SP4: variants seen among roughly 807,000 people sequenced by gnomAD.
The protein encoded by SP4 is transcription factor Sp4.
A neutral mutation model predicts 72.8 loss-of-function variants in SP4; 19 were observed. The ratio of observed to expected loss-of-function variants is 0.26; its 90% CI spans 0.18 to 0.38. The LOEUF (loss-of-function observed/expected upper bound fraction) is 0.38, where lower values mean the gene tolerates loss of function less well. Among genes scored for constraint, SP4 ranks in the 10% least tolerant of loss-of-function variants. The pLI, the probability that SP4 is intolerant of heterozygous loss-of-function variation, is 1.00. For synonymous variants in SP4, 395 were observed against 333.1 expected, an observed-to-expected ratio of 1.19 and a Z score of -2.02; for missense variants, 1,008 against 926.3, an observed-to-expected ratio of 1.09 and a Z score of -1.14.
chr7:21,474,769 A>G (rs1422582135), intron 3 of SP4, among the ~76,000 whole-genome samples: 3 of 152,152 alleles, frequency 2.0e-5, no homozygotes, highest in Admixed American at 1.3e-4. Context: ...TACAACTCTC[A>G]CTTCACTTGC....
chr7:21,429,497 C>T lies in SP4; in HGVS notation c.332C>T (p.Ala111Val). 1 of 1,614,182 alleles carries T rather than the reference C, an allele frequency of 6.2e-7. No homozygotes were observed. The highest frequency in any genetic ancestry group is 8.5e-7 in the Non-Finnish European group (1 of 1,180,000). Residue 111 changes from alanine (A) to valine (V), a missense_variant, in exon 3 of 6, where the codon GCT (alanine) becomes GTT (valine). Physicochemically the swap from Ala to Val is moderately conservative, Grantham distance 64. This residue lies in a region of SP4 where 893 missense variants were observed against 743.3 expected (regional missense o/e 1.20). Coordinates refer to ENST00000222584, the MANE Select transcript of SP4 (RefSeq NM_003112.5). ...AWQLVASTPP[A>V]SKENNVSQPA... ...CAACTTGTTGCCTCCACTCCTCCTG[C>T]TTCAAAAGAGAATAACGTTTCTCAA...
intron 3 of SP4, among the ~76,000 whole-genome samples, chr7:21,464,606 G>A (rs1248299840): frequency 6.7e-6 from 1 of 150,060 alleles, no homozygotes; most frequent in African/African-American, 2.5e-5. Context: ...TTAGAGATGG[G>A]GTCTTACTGT....
chr7:21,486,281 G>T (rs771474934), intron 5 of SP4, among the ~76,000 whole-genome samples: 10 of 151,668 alleles, frequency 6.6e-5, no homozygotes, highest in Non-Finnish European at 7.4e-5. Context: ...CATAGAGTTC[G>T]CATATCATTC....
chr7:21,439,035 A>G (rs920510613), intron 3 of SP4, among the ~76,000 whole-genome samples: 1 of 152,208 alleles, frequency 6.6e-6, no homozygotes, highest in East Asian at 1.9e-4. Context: ...GTATGTATGT[A>G]TGAAAAAACA....
At chr7:21,478,848 T>A (rs1363821005) in intron 4 of SP4, among the ~76,000 whole-genome samples, 3 of 152,102 alleles carry the variant, frequency 2.0e-5, no homozygotes, top group Non-Finnish European at 4.4e-5. Context: ...GGCAGGTGGA[T>A]CACCTGAGGT....
chr7:21,428,951 C>T (rs1250289279), intron 2 of SP4, 159 bp downstream of exon 2: 7 of 661,646 alleles, frequency 1.1e-5, no homozygotes, highest in South Asian at 4.1e-5. Context: ...CAAGTTTTCA[C>T]CTCTTTGAGG....
At chr7:21,442,544 T>C (rs1381200064) in intron 3 of SP4, among the ~76,000 whole-genome samples, 1 of 152,086 alleles carries the variant, frequency 6.6e-6, no homozygotes, top group Non-Finnish European at 1.5e-5. Context: ...GTGAATGAAG[T>C]GTTAATAGAA....
chr7:21,500,374 C>A (rs1213571831), intron 5 of SP4, among the ~76,000 whole-genome samples: 1 of 152,112 alleles, frequency 6.6e-6, no homozygotes, highest in African/African-American at 2.4e-5. Flanking sequence ...CAACAAATTA[C>A]CACAAATTTA....
rs1236938077 is a variant in SP4 at position 21,430,775 on chromosome 7, G to A, written c.1610G>A (p.Ser537Asn). 1.2e-6 allele frequency: 2 copies of A among 1,614,220 alleles called. No homozygotes were observed. Among genetic ancestry groups the A allele is most frequent in the Admixed American group, 1.7e-5 (1 of 60,020 alleles). The part of the protein sequence containing the change: ...LASVPNLQTV[S>N]VANLGAAGVQ... The stretch of plus-strand genomic sequence containing the variant: ...TCAGTGCCTAACCTTCAGACAGTGA[G>A]CGTTGCCAACCTGGGTGCTGCAGGT... Residue 537 changes from serine (S) to asparagine (N), a missense_variant, in exon 3 of 6, where the codon AGC (serine) becomes AAC (asparagine). Coordinates refer to ENST00000222584, the MANE Select transcript of SP4 (RefSeq NM_003112.5).
At chr7:21,487,964 A>G (rs1055038993) in intron 5 of SP4, among the ~76,000 whole-genome samples, 4 of 152,078 alleles carry the variant, frequency 2.6e-5, no homozygotes, top group African/African-American at 9.7e-5. Flanking sequence ...CCCAGGCTCA[A>G]GTGATCCTCA....
intron 4 of SP4, among the ~76,000 whole-genome samples, chr7:21,481,305 C>T (rs886967314): frequency 6.6e-6 from 1 of 152,190 alleles, no homozygotes; most frequent in East Asian, 1.9e-4. Flanking sequence ...ATATTCTTAG[C>T]TGCACCAGTC....
chr7:21,487,467 A>G (rs1784852296), intron 5 of SP4, among the ~76,000 whole-genome samples: 1 of 132,416 alleles, frequency 7.6e-6, no homozygotes, highest in Non-Finnish European at 1.6e-5. Context: ...TCTCATTACC[A>G]TTTTATTTTC....
chr7:21,505,375 C>A (rs1781967464), intron 5 of SP4, among the ~76,000 whole-genome samples: 2 of 152,278 alleles, frequency 1.3e-5, no homozygotes, highest in South Asian at 2.1e-4. Context: ...TTTCTGATAC[C>A]TCGGTCCTCC....
chr7:21,453,314 A>G (rs1783659640), intron 3 of SP4, among the ~76,000 whole-genome samples: 1 of 152,174 alleles, frequency 6.6e-6, no homozygotes, highest in Admixed American at 6.5e-5. Context: ...AGAAACCTGC[A>G]TTTAAGCCTA....
intron 5 of SP4, among the ~76,000 whole-genome samples, chr7:21,487,340 C>G (rs1784843941): frequency 6.7e-6 from 1 of 149,742 alleles, no homozygotes; most frequent in Non-Finnish European, 1.5e-5. Flanking sequence ...CTCTCCCTCT[C>G]TCTCTCTTTC....
At chr7:21,471,318 T>C (rs1245121404) in intron 3 of SP4, among the ~76,000 whole-genome samples, 1 of 152,186 alleles carries the variant, frequency 6.6e-6, no homozygotes, top group Non-Finnish European at 1.5e-5. Context: ...GGGCTTGCAC[T>C]AGTGTACAAG....
At chr7:21,455,543 C>T (rs1384276901) in intron 3 of SP4, among the ~76,000 whole-genome samples, 1 of 152,148 alleles carries the variant, frequency 6.6e-6, no homozygotes, top group African/African-American at 2.4e-5. Flanking sequence ...CTTAGGGTTC[C>T]ATAATGAACT....
chr7:21,505,013 C>G (rs372047021), intron 5 of SP4, among the ~76,000 whole-genome samples: 1 of 152,178 alleles, frequency 6.6e-6, no homozygotes, highest in South Asian at 2.1e-4. Context: ...GGACCAGGAC[C>G]GGGGCTGTAA....
intron 5 of SP4, among the ~76,000 whole-genome samples, chr7:21,494,962 A>G (rs1225932142): frequency 6.6e-6 from 1 of 152,138 alleles, no homozygotes; most frequent in Non-Finnish European, 1.5e-5. Flanking sequence ...TCCCCTCCAC[A>G]CACAGGGTGC....
Sources: gnomAD v4.1 joint callset for allele counts (sites outside exome capture counted in the v4.1 genomes callset) on GRCh38, gnomAD v4.1.1 for gene constraint, gnomAD v4.1.1 regional missense constraint, MANE v1.5 for transcripts, NCBI Gene and HGNC (gene_info 2026-07-23, HGNC 2026-07-21) for gene names.